CMKLR2: variants seen among roughly 807,000 people sequenced by gnomAD.
The protein encoded by CMKLR2 is chemerin chemokine-like receptor 2, also known as chemerin-like receptor 2.
A neutral mutation model predicts 23.0 loss-of-function variants in CMKLR2; 18 were observed. The ratio of observed to expected loss-of-function variants is 0.78; its 90% CI spans 0.54 to 1.16. The LOEUF is 1.16. Among genes scored for constraint, CMKLR2 ranks in the 50% most tolerant of loss-of-function variants. CMKLR2 has a pLI of 0.00. For missense variants in CMKLR2, 401 were observed against 412.7 expected (o/e 0.97, Z 0.25); for synonymous variants, 158 against 158.9 (o/e 0.99, Z 0.05).
intron 1 of CMKLR2, among the ~76,000 whole-genome samples, chr2:206,200,194 C>T (rs1274517290): frequency 2.6e-5 from 4 of 151,884 alleles, no homozygotes; most frequent in South Asian, 2.1e-4. Context: ...GAGGCTGAGG[C>T]GGGCGGATCA....
chr2:206,213,588 GA>G, upstream of CMKLR2: 1 of 152,190 alleles, frequency 6.6e-6, no homozygotes, highest in Non-Finnish European at 1.5e-5. Flanking sequence ...GTTTGTGTAA[GA>G]AGTTTGTTTT....
chr2:206,190,783 G>A (rs562005199), intron 1 of CMKLR2, among the ~76,000 whole-genome samples: 6 of 152,250 alleles, frequency 3.9e-5, no homozygotes, highest in Non-Finnish European at 8.8e-5. Context: ...CTATTTTCAC[G>A]ATGCTGAGAT....
rs117508806 is a variant in CMKLR2, at chr2:206,181,495, C to T, written c.-28-4220G>A. 2.6e-5 allele frequency among the ~76,000 whole-genome samples: 4 copies of T among 152,246 alleles called. No individual in the cohort carries two copies. In the East Asian group the frequency reaches 7.7e-4, roughly 29 times the overall value. Reference sequence around the variant, plus strand: ...GGAACATACCACCAAACTTGACTTGCATATAACTTTTGACTCCCCCAAAAC... The same window carrying T: ...GGAACATACCACCAAACTTGACTTGTATATAACTTTTGACTCCCCCAAAAC... On this transcript the variant is annotated intron_variant, in intron 1 of 1. Transcript: ENST00000621141.
intron 1 of CMKLR2, among the ~76,000 whole-genome samples, chr2:206,202,785 T>C (rs142642636): frequency 1.2e-4 from 18 of 152,106 alleles, no homozygotes; most frequent in African/African-American, 3.9e-4. Context: ...AGGAGAACTC[T>C]GCTCCTCTCA....
chr2:206,217,249 G>A (rs1020871265), upstream of CMKLR2: 2 of 152,114 alleles, frequency 1.3e-5, no homozygotes, highest in African/African-American at 4.8e-5. Context: ...GCCTTTCTTA[G>A]GGCTGGCTCT....
At chr2:206,197,001 T>A (rs1446403065) in intron 1 of CMKLR2, among the ~76,000 whole-genome samples, 1 of 152,132 alleles carries the variant, frequency 6.6e-6, no homozygotes, top group East Asian at 1.9e-4. Flanking sequence ...CTCCACCTCC[T>A]GGGTTCAAGT....
rs1233716962 is a variant in CMKLR2, at chr2:206,177,052, T to G, written c.196A>C (p.Lys66Gln). The change falls in exon 2 of 2, where the codon AAG (lysine) becomes CAG (glutamine). Residue 66 changes from lysine to glutamine, a missense_variant. Transcript: ENST00000621141. The part of the protein sequence containing the change: ...NAIVIWFTGF[K>Q]WKKTVTTLWF... Reference sequence around the variant, plus strand: ...AGAGTGGTGACTGTCTTCTTCCACTTGAACCCCGTGAACCAAATGACGATG... The same window carrying G: ...AGAGTGGTGACTGTCTTCTTCCACTGGAACCCCGTGAACCAAATGACGATG... The G allele has an allele frequency of 2.5e-6, 4 of 1,614,056 alleles. No individual in the cohort carries two copies. In the South Asian group the frequency reaches 4.4e-5, roughly 18 times the overall value.
chr2:206,184,904 T>C (rs1314760941), intron 1 of CMKLR2, among the ~76,000 whole-genome samples: 1 of 152,188 alleles, frequency 6.6e-6, no homozygotes, highest in African/African-American at 2.4e-5. Flanking sequence ...TAAAATTACA[T>C]TGTATATTAA....
chr2:206,178,459 T>C (rs796781148), intron 1 of CMKLR2, among the ~76,000 whole-genome samples: 15 of 152,354 alleles, frequency 9.8e-5, no homozygotes, highest in African/African-American at 3.6e-4. Context: ...TATATCAATA[T>C]GGATGGCTTC....
intron 1 of CMKLR2, among the ~76,000 whole-genome samples, chr2:206,196,101 G>T (rs867586445): frequency 4.6e-5 from 7 of 152,134 alleles, no homozygotes; most frequent in African/African-American, 1.7e-4. Flanking sequence ...CAGGCCAGGC[G>T]TGGTGGCTCA....
intron 1 of CMKLR2, among the ~76,000 whole-genome samples, chr2:206,186,769 G>A (rs191441447): frequency 6.6e-6 from 1 of 150,980 alleles, no homozygotes; most frequent in Non-Finnish European, 1.5e-5. Flanking sequence ...AAGAGGTGCT[G>A]CTGGTAAGAC....
intron 1 of CMKLR2, among the ~76,000 whole-genome samples, chr2:206,194,744 CTTTTTTTTTTTTT>C (rs745647131): frequency 8.7e-4 from 67 of 76,870 alleles, no homozygotes; most frequent in African/African-American, 3.3e-3. Flanking sequence ...CCATCATAGA[CTTTTTTTTTTTTT>C]TTTTTTTTTT....
chr2:206,198,769 A>G (rs991433131), intron 1 of CMKLR2, among the ~76,000 whole-genome samples: 2 of 152,212 alleles, frequency 1.3e-5, no homozygotes, highest in Admixed American at 1.3e-4. Flanking sequence ...GCAAAGTCTT[A>G]CTGCTTTCTT....
At chr2:206,184,060 T>C (rs12694044) in intron 1 of CMKLR2, among the ~76,000 whole-genome samples, 57,471 of 151,982 alleles carry the variant, frequency 0.38, 11,192 homozygotes, top group African/African-American at 0.48. Flanking sequence ...TCCTGGAACA[T>C]CTTTTCCATG....
At chr2:206,194,095 T>C (rs1688840046) in intron 1 of CMKLR2, among the ~76,000 whole-genome samples, 1 of 152,176 alleles carries the variant, frequency 6.6e-6, no homozygotes, top group Non-Finnish European at 1.5e-5. Flanking sequence ...TTGCAGAATA[T>C]ATTGAGATTG....
At chr2:206,200,561 C>T (rs1689061910) in intron 1 of CMKLR2, among the ~76,000 whole-genome samples, 1 of 152,196 alleles carries the variant, frequency 6.6e-6, no homozygotes, top group Non-Finnish European at 1.5e-5. Context: ...AAAACAGTCA[C>T]AAAATGTCTT....
chr2:206,187,065 G>A (rs1283978944), intron 1 of CMKLR2, among the ~76,000 whole-genome samples: 1 of 152,080 alleles, frequency 6.6e-6, no homozygotes, highest in East Asian at 1.9e-4. Context: ...AGAGAATGAA[G>A]GCCAGGCCCA....
At chr2:206,206,009 A>G (rs1388298130) in intron 1 of CMKLR2, among the ~76,000 whole-genome samples, 2 of 152,036 alleles carry the variant, frequency 1.3e-5, no homozygotes, top group African/African-American at 4.8e-5. Flanking sequence ...TGTTTGGTGT[A>G]TTATAATCCT....
At chr2:206,197,726 G>T (rs988456558) in intron 1 of CMKLR2, among the ~76,000 whole-genome samples, 3 of 151,906 alleles carry the variant, frequency 2.0e-5, no homozygotes, top group Non-Finnish European at 4.4e-5. Context: ...ATGGTGTCTT[G>T]CTATGTTGCC....
Sources: allele counts gnomAD v4.1 joint callset (sites outside exome capture counted in the v4.1 genomes callset), GRCh38; gene constraint gnomAD v4.1.1; transcripts MANE v1.5; gene names NCBI Gene and HGNC (gene_info 2026-07-23, HGNC 2026-07-21).